Variants in ZNF276 observed in about 807,000 individuals in gnomAD.
ZNF276 encodes the protein zinc finger protein 276, also known as centromere protein Z.
Under a neutral mutation model 63.9 loss-of-function variants are expected in ZNF276, and 59 were observed. That is an observed-to-expected ratio of 0.92 (90% CI 0.75 to 1.15). The LOEUF is 1.15. Ranked by LOEUF, ZNF276 falls within the 50% of genes most tolerant of loss-of-function variation. The pLI is 0.00. For synonymous variants in ZNF276, 496 were observed against 348.4 expected (o/e 1.42, Z -4.72); for missense variants, 1,084 against 843.8 (o/e 1.28, Z -3.53).
In ZNF276 at chr16:89,739,539, G is replaced by T. The variant is rs200215131; in HGVS notation, c.*1293G>T. 7 of 1,551,272 alleles carry T rather than the reference G, an allele frequency of 4.5e-6. No homozygotes were observed. Among genetic ancestry groups the T allele is most frequent in the Non-Finnish European group, 5.2e-6 (6 of 1,147,014 alleles). On this transcript the variant is annotated 3_prime_UTR_variant, in exon 11 of 11. Coordinates refer to ENST00000443381, the MANE Select transcript of ZNF276 (RefSeq NM_001113525.2). Reference sequence around the variant, plus strand: ...TCCGGGGCCACACGGAGGAGGAGCCGCCCCAGCCTGAGGTCTGCAACACCA... The same window carrying T: ...TCCGGGGCCACACGGAGGAGGAGCCTCCCCAGCCTGAGGTCTGCAACACCA...
In ZNF276 at chr16:89,738,125, T is replaced by C. The variant is rs2062010166; in HGVS notation, c.1724T>C (p.Met575Thr). 1 of 1,613,768 alleles carries C rather than the reference T, an allele frequency of 6.2e-7. No homozygotes were observed. The highest frequency in any genetic ancestry group is 8.5e-7 in the Non-Finnish European group (1 of 1,180,022). ...KAHNLNVHMS[M>T]VHPLTQTQDK... ...CACAACCTCAATGTACACATGTCCATGGTGCACCCGCTGACACAGACCCAG... is the reference window on the plus strand; with the variant it reads ...CACAACCTCAATGTACACATGTCCACGGTGCACCCGCTGACACAGACCCAG... The change falls in exon 11 of 11, where the codon ATG becomes ACG. Residue 575 changes from methionine to threonine, a missense_variant. Coordinates refer to ENST00000443381, the MANE Select transcript of ZNF276 (RefSeq NM_001113525.2).
In ZNF276 at chr16:89,738,081, C is replaced by A; in HGVS notation, c.1680C>A (p.Gly560=). 6.2e-7 allele frequency: 1 copy of A among 1,614,058 alleles called. No individual in the cohort carries two copies. ...TELDFACDQC[G]RRFEKAHNLN... ...TGGACTTTGCCTGTGACCAGTGTGG[C>A]CGGCGGTTTGAGAAGGCCCACAACC... Residue 560 remains glycine (G), a synonymous_variant, in exon 11 of 11, where the codon GGC becomes GGA. Transcript: ENST00000443381.
Position 89,721,634 on chromosome 16 carries a change from C to G in ZNF276, c.-7C>G. The G allele has an allele frequency of 6.8e-7, 1 of 1,472,584 alleles. No homozygotes were observed. The highest frequency in any genetic ancestry group is 8.9e-7 in the Non-Finnish European group (1 of 1,117,520). 91.2% of individuals were successfully genotyped at this position (1,472,584 alleles called of 1,614,324 possible). A position where few individuals can be genotyped will look rare whatever the true frequency, so the allele number is the denominator to read the frequency against. On this transcript the variant is annotated 5_prime_UTR_variant, in exon 1 of 11. Transcript: ENST00000443381. Reference sequence around the variant, plus strand: ...CCCGCGGGATTCTGCTGGCGTCCTCCGCTGCCATGAAGCGGGACCGGCTGG... The same window carrying G: ...CCCGCGGGATTCTGCTGGCGTCCTCGGCTGCCATGAAGCGGGACCGGCTGG...
rs776408908 is a variant in ZNF276 at position 89,722,519 on chromosome 16, C to G, written c.206-12C>G. The G allele has an allele frequency of 1.3e-6, 2 of 1,598,760 alleles. No individual in the cohort carries two copies. The highest frequency in any genetic ancestry group is 1.1e-5 in the South Asian group (1 of 90,240). The stretch of plus-strand genomic sequence containing the variant: ...TTTGCCAGCTGCTAACACTTCCTGC[C>G]GCTCTGTGCAGGAGCAGGCCGGGCT... On this transcript the variant is annotated splice_polypyrimidine_tract_variant and intron_variant, in intron 1 of 10. Transcript: ENST00000443381.
intron 9 of ZNF276, among the ~76,000 whole-genome samples, chr16:89,735,926 T>G (rs1598027566): frequency 2.2e-5 from 2 of 90,048 alleles, no homozygotes; most frequent in African/African-American, 3.6e-5. Flanking sequence ...AGTCTTGCTC[T>G]TGTCGCCCAG....
chr16:89,739,284 A>G lies in ZNF276; in HGVS notation c.*1038A>G, dbSNP rs1219627612. Reference sequence around the variant, plus strand: ...GGCCGCGTCTTCATGGAAGTAGGAGAGAAGACTAGAGGTAAAGACATAGTG... The same window carrying G: ...GGCCGCGTCTTCATGGAAGTAGGAGGGAAGACTAGAGGTAAAGACATAGTG... On this transcript the variant is annotated 3_prime_UTR_variant, in exon 11 of 11. Coordinates refer to ENST00000443381, the MANE Select transcript of ZNF276 (RefSeq NM_001113525.2). 3.7e-6 allele frequency: 6 copies of G among 1,614,020 alleles called. No homozygotes were observed. The highest frequency in any genetic ancestry group is 4.2e-6 in the Non-Finnish European group (5 of 1,180,050).
intron 9 of ZNF276, among the ~76,000 whole-genome samples, chr16:89,736,342 T>TA: frequency 6.7e-6 from 1 of 149,630 alleles, no homozygotes; most frequent in Non-Finnish European, 1.5e-5. Flanking sequence ...TTTTTTTTTT[T>TA]TTTTCCGGGA....
chr16:89,728,442 T>C lies in ZNF276; in HGVS notation c.1086-793T>C, dbSNP rs62068390. 3.1e-3 allele frequency among the ~76,000 whole-genome samples: 473 copies of C among 152,190 alleles called. 1 individual carries two copies. Among genetic ancestry groups the C allele is most frequent in the African/African-American group, 9.6e-3 (397 of 41,532 alleles). ...TATTTGAGACGGAGTCTCGCTGTGT[T>C]GCCCAGGCTGGAGTGCAGTGGCACA... On this transcript the variant is annotated intron_variant, in intron 5 of 10. Coordinates refer to ENST00000443381, the MANE Select transcript of ZNF276 (RefSeq NM_001113525.2).
rs774306844 is a variant in ZNF276 at position 89,722,647 on chromosome 16, G to A, written c.322G>A (p.Ala108Thr). 2 of 1,611,976 alleles carry A rather than the reference G, an allele frequency of 1.2e-6. No homozygotes were observed. The highest frequency in any genetic ancestry group is 1.7e-6 in the Non-Finnish European group (2 of 1,180,026). Residue 108 changes from alanine (A) to threonine (T), a missense_variant, in exon 2 of 11, where the codon GCA (alanine) becomes ACA (threonine). Transcript: ENST00000443381. ...TGGAGCGAGCATGGAGAGGCCATCC[G>A]CAGAGGAGCGCGTGCTCGTACGGGA... ...APGASMERPS[A>T]EERVLVRDFQ...
chr16:89,737,254 G>A (rs944926874), intron 9 of ZNF276, among the ~76,000 whole-genome samples: 7 of 152,166 alleles, frequency 4.6e-5, no homozygotes, highest in African/African-American at 1.7e-4. Flanking sequence ...AGGCACGGTG[G>A]CTCACACATG....
chr16:89,734,037 AGGTACG>A lies in ZNF276; in HGVS notation c.1474_1474+5del, dbSNP rs767861601. The A allele has an allele frequency of 6.2e-7, 1 of 1,613,724 alleles. No homozygotes were observed. Among genetic ancestry groups the A allele is most frequent in the Non-Finnish European group, 8.5e-7 (1 of 1,179,786 alleles). On this transcript the variant is annotated splice_donor_variant and splice_donor_5th_base_variant and coding_sequence_variant and intron_variant, in exon 9 of 11. Transcript: ENST00000443381. LOFTEE classifies it high-confidence loss of function. The stretch of plus-strand genomic sequence containing the variant: ...AGCGCCACGTGAAGCTCATCCACAC[AGGTACG>A]CCTATCGCCAGTGTCGCCCACGCGG...
chr16:89,720,567 A>C (rs1339851791), upstream of ZNF276: 3 of 1,192,762 alleles, frequency 2.5e-6, no homozygotes, highest in Non-Finnish European at 3.1e-6. Flanking sequence ...GGTCCGCAGG[A>C]TCTGAGCTGT....
rs2151654608 is a variant in ZNF276 at position 89,721,761 on chromosome 16, A to G, written c.121A>G (p.Arg41Gly). The change falls in exon 1 of 11, where the codon AGG (arginine) becomes GGG (glycine). Residue 41 changes from arginine (R) to glycine (G), a missense_variant. Transcript: ENST00000443381. ...RGRPSLSGGP[R>G]VDGATARRAW... Reference sequence around the variant, plus strand: ...CCGCCCTTCCCTTAGCGGTGGGCCGAGGGTGGACGGGGCGACGGCGCGGCG... The same window carrying G: ...CCGCCCTTCCCTTAGCGGTGGGCCGGGGGTGGACGGGGCGACGGCGCGGCG... 1 of 1,282,178 alleles carries G rather than the reference A, an allele frequency of 7.8e-7. No individual in the cohort carries two copies. The highest frequency in any genetic ancestry group is 3.2e-5 in the East Asian group (1 of 31,622). The allele number at this position is 1,282,178 out of a possible 1,614,324, so 79.4% of individuals were successfully genotyped here.
In ZNF276 at chr16:89,738,185, C is replaced by G; in HGVS notation, c.1784C>G (p.Pro595Arg). ...CTGCCCCTGGAGGCGGAACCACCAC[C>G]TGGGCCACCGAGCCCCTCTGTGACC... Reference protein sequence around the residue: ...KALPLEAEPPPGPPSPSVTTE... With the variant: ...KALPLEAEPPRGPPSPSVTTE... Residue 595 changes from proline to arginine, a missense_variant, in exon 11 of 11, where the codon CCT (proline) becomes CGT (arginine). Pro to Arg is a moderately radical substitution (Grantham distance 103). Transcript: ENST00000443381. 1 of 1,612,066 alleles carries G rather than the reference C, an allele frequency of 6.2e-7. No homozygotes were observed. The highest frequency in any genetic ancestry group is 8.5e-7 in the Non-Finnish European group (1 of 1,179,520).
At chr16:89,731,335 C>G (rs1456691950) in intron 6 of ZNF276, among the ~76,000 whole-genome samples, 1 of 152,220 alleles carries the variant, frequency 6.6e-6, no homozygotes, top group Non-Finnish European at 1.5e-5. Flanking sequence ...CTCACTGCAA[C>G]CTCCGCCTCC....
chr16:89,731,474 C>G (rs991619383), intron 6 of ZNF276: 1 of 152,276 alleles, frequency 6.6e-6, no homozygotes, highest in South Asian at 2.1e-4. Flanking sequence ...ACACTGGTCT[C>G]GAACTCCTGA....
chr16:89,730,737 G>A (rs1411424675), intron 6 of ZNF276, among the ~76,000 whole-genome samples: 2 of 152,170 alleles, frequency 1.3e-5, no homozygotes, highest in Admixed American at 6.5e-5. Context: ...GGGGCACTTG[G>A]TTCCCCAGCT....
Position 89,739,680 on chromosome 16 carries a change from A to G in ZNF276, c.*1434A>G. ...GCTGTGGGGATAGTGTGGGGCGAAC[A>G]GCCTGAGCTGAGGATACCCAGGTAC... On this transcript the variant is annotated 3_prime_UTR_variant, in exon 11 of 11. Coordinates refer to ENST00000443381, the MANE Select transcript of ZNF276 (RefSeq NM_001113525.2). 6.6e-7 allele frequency: 1 copy of G among 1,515,908 alleles called. No individual in the cohort carries two copies. Among genetic ancestry groups the G allele is most frequent in the Non-Finnish European group, 8.9e-7 (1 of 1,123,052 alleles). The allele number at this position is 1,515,908 out of a possible 1,614,324, so 93.9% of individuals were successfully genotyped here.
Position 89,738,723 on chromosome 16 carries a change from C to A in ZNF276, c.*477C>A. On this transcript the variant is annotated 3_prime_UTR_variant, in exon 11 of 11. Coordinates refer to ENST00000443381, the MANE Select transcript of ZNF276 (RefSeq NM_001113525.2). ...TCAGCCAGCAGCTGTGAGAGAGGAGCAGGTCCTCAGCCCATGCCGCCCACT... is the reference window on the plus strand; with the variant it reads ...TCAGCCAGCAGCTGTGAGAGAGGAGAAGGTCCTCAGCCCATGCCGCCCACT... 1 of 1,613,562 alleles carries A rather than the reference C, an allele frequency of 6.2e-7. No homozygotes were observed. Among genetic ancestry groups the A allele is most frequent in the Non-Finnish European group, 8.5e-7 (1 of 1,179,820 alleles).
Sources: gnomAD v4.1 joint callset for allele counts (sites outside exome capture counted in the v4.1 genomes callset) on GRCh38, gnomAD v4.1.1 for gene constraint, MANE v1.5 for transcripts, NCBI Gene and HGNC (gene_info 2026-07-23, HGNC 2026-07-21) for gene names.